The following ZMAT2 variants were observed in gnomAD, a reference collection of about 807,000 sequenced individuals.
ZMAT2 encodes zinc finger matrin-type 2.
Under a neutral mutation model 27.5 loss-of-function variants are expected in ZMAT2, and 5 were observed. That is an observed-to-expected ratio of 0.18 (90% CI 0.10 to 0.38). ZMAT2 has a LOEUF of 0.38. Among genes scored for constraint, ZMAT2 ranks in the 10% least tolerant of loss-of-function variants. ZMAT2 has a pLI of 1.00. For missense variants in ZMAT2, 124 were observed against 243.9 expected (o/e 0.51, Z 3.27); for synonymous variants, 76 against 78.6 (o/e 0.97, Z 0.17).
chr5:140,703,002 A>G (rs536390780), intron 3 of ZMAT2, among the ~76,000 whole-genome samples: 131 of 152,332 alleles, frequency 8.6e-4, no homozygotes, highest in African/African-American at 2.7e-3. Flanking sequence ...GCTTAGCAGC[A>G]TAAACTACAC....
chr5:140,703,924 C>T lies in ZMAT2; in HGVS notation c.243C>T (p.Tyr81=), dbSNP rs1255811316. Residue 81 remains tyrosine (Y), a synonymous_variant, in exon 4 of 6, where the codon TAC becomes TAT. Coordinates refer to ENST00000274712, the MANE Select transcript of ZMAT2 (RefSeq NM_144723.3). The part of the protein sequence containing the change: ...TTPQSEMGGY[Y]CNVCDCVVKD... ...TGCTGTTTCTTCCTGTTAGATATTA[C>T]TGCAATGTCTGTGACTGTGTGGTGA... 9 of 1,614,000 alleles carry T rather than the reference C, an allele frequency of 5.6e-6. No homozygotes were observed. The highest frequency in any genetic ancestry group is 7.6e-6 in the Non-Finnish European group (9 of 1,179,880).
chr5:140,704,568 A>G lies in ZMAT2; in HGVS notation c.453A>G (p.Glu151=). The G allele has an allele frequency of 6.2e-7, 1 of 1,613,774 alleles. No homozygotes were observed. Among genetic ancestry groups the G allele is most frequent in the South Asian group, 1.1e-5 (1 of 91,070 alleles). The change falls in exon 5 of 6, where the codon GAA becomes GAG. Residue 151 remains glutamate, a synonymous_variant. Coordinates refer to ENST00000274712, the MANE Select transcript of ZMAT2 (RefSeq NM_144723.3). The part of the protein sequence containing the change: ...DFEERMKELR[E]EEEKAKAYKK... ...AGGAAAGGATGAAGGAGCTCAGAGAAGAGGTAAGGGTCTCCTATCCTTCCC... is the reference window on the plus strand; with the variant it reads ...AGGAAAGGATGAAGGAGCTCAGAGAGGAGGTAAGGGTCTCCTATCCTTCCC...
rs538583728 is a variant in ZMAT2, at chr5:140,701,787, G to T, written c.113-219G>T. 7.8e-4 allele frequency among the ~76,000 whole-genome samples: 119 copies of T among 152,268 alleles called. No homozygotes were observed. In the Middle Eastern group the frequency reaches 0.02, roughly 26 times the overall value. On this transcript the variant is annotated intron_variant, in intron 2 of 5. Transcript: ENST00000274712. ...TATAAAACATACTGTTTTTAGATTT[G>T]CTGGCTTTAAAGTGGAGAAAAGCTG... is the stretch of plus-strand genomic sequence containing the variant.
At chr5:140,703,884 C>A in intron 3 of ZMAT2, 34 bp from the exon 4 acceptor site, 1 of 1,596,052 alleles carries the variant, frequency 6.3e-7, no homozygotes, top group Non-Finnish European at 8.6e-7. Context: ...TCCTTAAAAC[C>A]ATATTTGACT....
chr5:140,700,727 C>T (rs745363862), intron 1 of ZMAT2, 92 bp from the exon 2 acceptor site: 91 of 1,443,616 alleles, frequency 6.3e-5, no homozygotes, highest in Non-Finnish European at 8.6e-5. Flanking sequence ...TTCAAAACGT[C>T]CTGTAGACAC....
rs953925487 is a variant in ZMAT2, at chr5:140,706,383, A to G, written c.*627A>G. On this transcript the variant is annotated 3_prime_UTR_variant, in exon 6 of 6. Transcript: ENST00000274712. The stretch of plus-strand genomic sequence containing the variant: ...GGCCTGATGTTCTTGGCTTCCTCAG[A>G]GCATGTAACAGGAAATTAAATGGGA... The G allele has an allele frequency of 6.6e-6, 1 of 152,666 alleles. No homozygotes were observed. The highest frequency in any genetic ancestry group is 2.4e-5 in the African/African-American group (1 of 41,410). The allele number at this position is 152,666 out of a possible 1,614,324, so 9.5% of individuals were successfully genotyped here.
Position 140,705,765 on chromosome 5 carries a change from G to C in ZMAT2, c.*9G>C. The C allele has an allele frequency of 6.2e-7, 1 of 1,613,216 alleles. No individual in the cohort carries two copies. Among genetic ancestry groups the C allele is most frequent in the African/African-American group, 1.3e-5 (1 of 74,924 alleles). On this transcript the variant is annotated 3_prime_UTR_variant, in exon 6 of 6. Coordinates refer to ENST00000274712, the MANE Select transcript of ZMAT2 (RefSeq NM_144723.3). ...CCAAGAAGAGTTACTGAGGCTTTCT[G>C]TGCTTGGCCTGACTTTGGCCTATGC...
intron 3 of ZMAT2, among the ~76,000 whole-genome samples, chr5:140,703,342 G>A (rs1396476281): frequency 6.6e-6 from 1 of 151,014 alleles, no homozygotes; most frequent in Non-Finnish European, 1.5e-5. Flanking sequence ...CTGGGTTCAA[G>A]CGATTCTCCT....
In ZMAT2 at chr5:140,703,911, C is replaced by T. The variant is rs769339565; in HGVS notation, c.237-7C>T. Reference sequence around the variant, plus strand: ...TATTTGACTCAGGTGCTGTTTCTTCCTGTTAGATATTACTGCAATGTCTGT... The same window carrying T: ...TATTTGACTCAGGTGCTGTTTCTTCTTGTTAGATATTACTGCAATGTCTGT... On this transcript the variant is annotated splice_region_variant and splice_polypyrimidine_tract_variant and intron_variant, in intron 3 of 5. Coordinates refer to ENST00000274712, the MANE Select transcript of ZMAT2 (RefSeq NM_144723.3). 5.6e-6 allele frequency: 9 copies of T among 1,613,648 alleles called. No homozygotes were observed. Among genetic ancestry groups the T allele is most frequent in the Non-Finnish European group, 7.6e-6 (9 of 1,179,632 alleles).
At chr5:140,700,557 C>A in intron 1 of ZMAT2, 79 bp downstream of exon 1, 4 of 1,602,942 alleles carry the variant, frequency 2.5e-6, no homozygotes, top group Non-Finnish European at 3.4e-6. Context: ...AACTCCTGCA[C>A]CCGACTGGCT....
In ZMAT2 at chr5:140,700,479, G is replaced by T; in HGVS notation, c.18+1G>T. The T allele has an allele frequency of 6.2e-7, 1 of 1,613,106 alleles. No individual in the cohort carries two copies. Among genetic ancestry groups the T allele is most frequent in the Non-Finnish European group, 8.5e-7 (1 of 1,179,968 alleles). The stretch of plus-strand genomic sequence containing the variant: ...TGTGAAGATGGCGTCGGGCAGCGGG[G>T]TAGGTGTTGTGTCTGAGGAGGAGGT... On this transcript the variant is annotated splice_donor_variant, in intron 1 of 5. Transcript: ENST00000274712. LOFTEE classifies it high-confidence loss of function.
At chr5:140,700,984 G>A in intron 2 of ZMAT2, 72 bp downstream of exon 2, 1 of 1,463,466 alleles carries the variant, frequency 6.8e-7, no homozygotes, top group Non-Finnish European at 9.4e-7. Context: ...GGTGGGAGTT[G>A]AAGTGCGCTG....
intron 3 of ZMAT2, among the ~76,000 whole-genome samples, chr5:140,702,540 A>T (rs1197592033): frequency 6.6e-6 from 1 of 152,238 alleles, no homozygotes. Flanking sequence ...TAGTTTTTAA[A>T]TTTTTTATTG....
In ZMAT2 at chr5:140,700,478, G is replaced by T. The variant is rs1759936895; in HGVS notation, c.18G>T (p.Gly6=). The T allele has an allele frequency of 1.9e-6, 3 of 1,612,960 alleles. No individual in the cohort carries two copies. The highest frequency in any genetic ancestry group is 1.3e-5 in the African/African-American group (1 of 74,880). ...CTGTGAAGATGGCGTCGGGCAGCGG[G>T]GTAGGTGTTGTGTCTGAGGAGGAGG... MASGS[G]TKNLDFRRKW... Residue 6 remains glycine, a splice_region_variant and synonymous_variant, in exon 1 of 6, where the codon GGG becomes GGT. Transcript: ENST00000274712.
At chr5:140,703,876 C>T in intron 3 of ZMAT2, 42 bp from the exon 4 acceptor site, 1 of 1,585,752 alleles carries the variant, frequency 6.3e-7, no homozygotes, top group South Asian at 1.1e-5. Context: ...TGATAAGATC[C>T]TTAAAACCAT....
chr5:140,702,570 T>A (rs1759980289), intron 3 of ZMAT2, among the ~76,000 whole-genome samples: 1 of 152,246 alleles, frequency 6.6e-6, no homozygotes, highest in Non-Finnish European at 1.5e-5. Context: ...TTGTTATCAA[T>A]TCTGATTTAC....
Position 140,700,725 on chromosome 5 carries a change from G to T in ZMAT2, c.19-94G>T. On this transcript the variant is annotated intron_variant, in intron 1 of 5. Transcript: ENST00000274712. ...TCCAAAGAGGCTTTGCTTTCAAAAC[G>T]TCCTGTAGACACCTGGACCGCGAGG... 4 of 1,441,076 alleles carry T rather than the reference G, an allele frequency of 2.8e-6. No homozygotes were observed. In the South Asian group the frequency reaches 4.8e-5, roughly 17 times the overall value. The allele number at this position is 1,441,076 out of a possible 1,614,324, so 89.3% of individuals were successfully genotyped here.
At position 140,702,042 on chromosome 5, in the gene ZMAT2, G is replaced by A; in HGVS notation, c.149G>A (p.Arg50Gln). 1.2e-6 allele frequency: 2 copies of A among 1,612,402 alleles called. No homozygotes were observed. Among genetic ancestry groups the A allele is most frequent in the Non-Finnish European group, 1.7e-6 (2 of 1,179,290 alleles). ...PVQPVKRELL[R>Q]HRDYKVDLES... ...CAGCCTGTCAAGCGAGAGCTTTTAC[G>A]GCATAGGGACTACAAGGTGGACTTG... The change falls in exon 3 of 6, where the codon CGG becomes CAG. Residue 50 changes from arginine (R) to glutamine (Q), a missense_variant. Physicochemically the swap from Arg to Gln is conservative, Grantham distance 43. Transcript: ENST00000274712.
In ZMAT2 at chr5:140,703,912, T is replaced by G; in HGVS notation, c.237-6T>G. The G allele has an allele frequency of 6.2e-7, 1 of 1,613,836 alleles. No homozygotes were observed. The stretch of plus-strand genomic sequence containing the variant: ...ATTTGACTCAGGTGCTGTTTCTTCC[T>G]GTTAGATATTACTGCAATGTCTGTG... On this transcript the variant is annotated splice_region_variant and splice_polypyrimidine_tract_variant and intron_variant, in intron 3 of 5. Transcript: ENST00000274712.
Sources: gnomAD v4.1 joint callset for allele counts (sites outside exome capture counted in the v4.1 genomes callset) on GRCh38, gnomAD v4.1.1 for gene constraint, MANE v1.5 for transcripts, NCBI Gene and HGNC (gene_info 2026-07-23, HGNC 2026-07-21) for gene names.